Variants in NELL2 observed in about 807,000 individuals in gnomAD.
NELL2 encodes protein kinase C-binding protein NELL2.
Under a neutral mutation model 109.6 loss-of-function variants are expected in NELL2, and 41 were observed. The ratio of observed to expected loss-of-function variants is 0.37; its 90% CI spans 0.29 to 0.49. NELL2 has a LOEUF of 0.49. Among genes scored for constraint, NELL2 ranks in the 20% least tolerant of loss-of-function variants. The pLI is 0.98. For missense variants in NELL2, 900 were observed against 1,008.3 expected (o/e 0.89, Z 1.45); for synonymous variants, 355 against 344.7 (o/e 1.03, Z -0.33).
intron 15 of NELL2, among the ~76,000 whole-genome samples, chr12:44,554,646 T>C (rs1387136732): frequency 2.0e-5 from 3 of 152,320 alleles, no homozygotes; most frequent in Middle Eastern, 6.8e-3. Flanking sequence ...TTAAAACATA[T>C]GGAATAAAAA....
At chr12:44,876,329 G>A (rs1351885525), upstream of NELL2, 6 of 1,189,624 alleles carry the variant, frequency 5.0e-6, no homozygotes, top group East Asian at 1.6e-4. Context: ...GAAAGCTCCG[G>A]GAGACGCGCG....
At chr12:44,562,069 G>A (rs1943486633) in intron 15 of NELL2, among the ~76,000 whole-genome samples, 1 of 152,156 alleles carries the variant, frequency 6.6e-6, no homozygotes, top group Non-Finnish European at 1.5e-5. Context: ...ATGTGGAAAG[G>A]ACTCCCTATT....
intron 9 of NELL2, among the ~76,000 whole-genome samples, chr12:44,763,724 A>G (rs189323488): frequency 1.3e-5 from 2 of 152,332 alleles, no homozygotes; most frequent in East Asian, 1.9e-4. Flanking sequence ...ATCAAGTGGT[A>G]CAGAGCACAA....
chr12:44,709,772 T>C lies in NELL2; in HGVS notation c.1189+1520A>G, dbSNP rs192767175. On this transcript the variant is annotated intron_variant, in intron 11 of 19. Coordinates refer to ENST00000429094, the MANE Select transcript of NELL2 (RefSeq NM_001145108.2). ...AAGATGCCTAAGTTAGTCATATGTA[T>C]ATTTAAGTTTAAGAAACACTGATAT... 2.6e-3 allele frequency among the ~76,000 whole-genome samples: 398 copies of C among 152,270 alleles called. 3 individuals are homozygous for C. Among genetic ancestry groups the C allele is most frequent in the African/African-American group, 8.7e-3 (360 of 41,558 alleles).
Position 44,711,407 on chromosome 12 carries a change from A to G in NELL2, c.1087-13T>C. ...TCATGGTCTGGTCCTGTTAGACAAC[A>G]GAAAAGAAGTGCTTCAAATTTTATC... On this transcript the variant is annotated splice_polypyrimidine_tract_variant and intron_variant, in intron 10 of 19. Coordinates refer to ENST00000429094, the MANE Select transcript of NELL2 (RefSeq NM_001145108.2). The G allele has an allele frequency of 6.3e-7, 1 of 1,598,968 alleles. No homozygotes were observed. Among genetic ancestry groups the G allele is most frequent in the East Asian group, 2.2e-5 (1 of 44,790 alleles).
At chr12:44,873,449 AC>A (rs1354424515) in intron 2 of NELL2, among the ~76,000 whole-genome samples, 1 of 152,172 alleles carries the variant, frequency 6.6e-6, no homozygotes, top group East Asian at 1.9e-4. Context: ...GATTCCTGAG[AC>A]TATTTCCTAA....
At chr12:44,593,905 G>A (rs1944855081) in intron 15 of NELL2, among the ~76,000 whole-genome samples, 1 of 152,062 alleles carries the variant, frequency 6.6e-6, no homozygotes, top group Non-Finnish European at 1.5e-5. Flanking sequence ...ATGATAGACT[G>A]GATAAAGAAA....
At chr12:44,560,754 A>G (rs1259483827) in intron 15 of NELL2, among the ~76,000 whole-genome samples, 1 of 152,232 alleles carries the variant, frequency 6.6e-6, no homozygotes, top group Non-Finnish European at 1.5e-5. Flanking sequence ...CCAGAGGTAT[A>G]AAGAGGAGCT....
At chr12:44,855,332 A>G (rs1363899803) in intron 2 of NELL2, among the ~76,000 whole-genome samples, 1 of 152,206 alleles carries the variant, frequency 6.6e-6, no homozygotes, top group Non-Finnish European at 1.5e-5. Flanking sequence ...AAAGCCAGGG[A>G]ATCTTTTTAA....
At chr12:44,894,084 T>C (rs1041901952) in intron 1 of NELL2, among the ~76,000 whole-genome samples, 8 of 152,214 alleles carry the variant, frequency 5.3e-5, no homozygotes, top group African/African-American at 1.9e-4. Flanking sequence ...TGAAAGTTTG[T>C]ATTTAGGAGA....
chr12:44,828,876 T>C (rs751823450), intron 2 of NELL2, among the ~76,000 whole-genome samples: 1 of 152,212 alleles, frequency 6.6e-6, no homozygotes, highest in Non-Finnish European at 1.5e-5. Context: ...ATTTGGCTTC[T>C]AGAGTGTATT....
chr12:44,791,065 GTATATATATATATATACATA>G (rs1310648181), intron 3 of NELL2, among the ~76,000 whole-genome samples: 28 of 43,226 alleles, frequency 6.5e-4, no homozygotes, highest in Non-Finnish European at 9.0e-4. Flanking sequence ...GAAAGTTCAA[GTATATATATATATATACATA>G]TATATATATA....
intron 9 of NELL2, among the ~76,000 whole-genome samples, chr12:44,762,304 T>C (rs1592481941): frequency 6.6e-6 from 1 of 152,188 alleles, no homozygotes; most frequent in East Asian, 1.9e-4. Flanking sequence ...TATTAGCAAC[T>C]CTGTCCTCTT....
chr12:44,825,616 G>T (rs1241598492), intron 2 of NELL2, among the ~76,000 whole-genome samples: 25 of 149,870 alleles, frequency 1.7e-4, no homozygotes, highest in African/African-American at 6.1e-4. Flanking sequence ...AGATGGTCTC[G>T]ATCTCTTGAC....
At chr12:44,724,274 A>C (rs1938952033) in intron 9 of NELL2, among the ~76,000 whole-genome samples, 1 of 151,128 alleles carries the variant, frequency 6.6e-6, no homozygotes, top group Non-Finnish European at 1.5e-5. Context: ...TGTGGGCTAA[A>C]GAACCACCTG....
chr12:44,839,240 G>C (rs10785539), intron 2 of NELL2, among the ~76,000 whole-genome samples: 54,583 of 151,888 alleles, frequency 0.36, 10,215 homozygotes, highest in South Asian at 0.59. Flanking sequence ...CTTGGCAACC[G>C]CAAAGAAAAA....
intron 3 of NELL2, among the ~76,000 whole-genome samples, chr12:44,792,544 A>G (rs1942473216): frequency 6.6e-6 from 1 of 152,196 alleles, no homozygotes; most frequent in Admixed American, 6.6e-5. Context: ...AAAAGACACC[A>G]TAAATAAACA....
intron 2 of NELL2, among the ~76,000 whole-genome samples, chr12:44,827,179 AGG>A (rs1484445740): frequency 4.6e-5 from 7 of 152,134 alleles, no homozygotes; most frequent in Admixed American, 4.6e-4. Context: ...GATCCAAGGT[AGG>A]TATATATATT....
chr12:44,849,581 A>G (rs1944472072), intron 2 of NELL2, among the ~76,000 whole-genome samples: 2 of 152,326 alleles, frequency 1.3e-5, no homozygotes, highest in South Asian at 4.1e-4. Flanking sequence ...CACTTAGGTG[A>G]ACTGTTTGGA....
Sources: allele counts gnomAD v4.1 joint callset (sites outside exome capture counted in the v4.1 genomes callset), GRCh38; gene constraint gnomAD v4.1.1; transcripts MANE v1.5; gene names NCBI Gene and HGNC (gene_info 2026-07-23, HGNC 2026-07-21).